GRID2: variants seen among roughly 807,000 people sequenced by gnomAD.
GRID2 encodes the protein glutamate receptor ionotropic, delta-2.
GRID2 carries 33 observed loss-of-function variants against 114.8 expected under a neutral mutation model. The ratio of observed to expected loss-of-function variants is 0.29; its 90% CI spans 0.22 to 0.38. GRID2 has a LOEUF of 0.38. Ranked by LOEUF, GRID2 falls within the 10% of genes least tolerant of loss-of-function variation. The pLI is 1.00. For synonymous variants in GRID2, 505 were observed against 449.9 expected (o/e 1.12, Z -1.55); for missense variants, 1,184 against 1,257.7 (o/e 0.94, Z 0.89).
chr4:93,299,600 A>G (rs909100810), intron 8 of GRID2, among the ~76,000 whole-genome samples: 1 of 151,514 alleles, frequency 6.6e-6, no homozygotes, highest in Non-Finnish European at 1.5e-5. Context: ...ACCTAATGTT[A>G]AATGATGAGT....
At chr4:93,034,445 A>T (rs1724727247) in intron 2 of GRID2, among the ~76,000 whole-genome samples, 1 of 152,190 alleles carries the variant, frequency 6.6e-6, no homozygotes, top group Non-Finnish European at 1.5e-5. Context: ...CGACAATAGT[A>T]AGAATCCAAT....
Position 93,483,933 on chromosome 4 carries a change from T to C in GRID2, c.1859-6706T>C, listed in dbSNP as rs137857778. ...ATACTTTTTTAGCAAGGTGAGATTA[T>C]GTTTTTTTTTTAATTTGGCACATAA... On this transcript the variant is annotated intron_variant, in intron 11 of 15. Coordinates refer to ENST00000282020, the MANE Select transcript of GRID2 (RefSeq NM_001510.4). Among the ~76,000 whole-genome samples, 872 of 151,796 alleles carry C rather than the reference T, an allele frequency of 5.7e-3. 7 individuals carry two copies. Among genetic ancestry groups the C allele is most frequent in the African/African-American group, 0.02 (830 of 41,464 alleles).
At chr4:92,920,227 G>A (rs1048858706) in intron 2 of GRID2, among the ~76,000 whole-genome samples, 10 of 151,810 alleles carry the variant, frequency 6.6e-5, no homozygotes, top group African/African-American at 2.2e-4. Flanking sequence ...CCTTTATTTT[G>A]AGCCTGTGTG....
At chr4:92,410,521 C>A (rs1003515986) in intron 1 of GRID2, among the ~76,000 whole-genome samples, 6 of 152,170 alleles carry the variant, frequency 3.9e-5, no homozygotes, top group African/African-American at 1.4e-4. Flanking sequence ...TGGACAGGAT[C>A]TCTGGCTTCA....
intron 9 of GRID2, among the ~76,000 whole-genome samples, chr4:93,396,670 G>T (rs919843461): frequency 6.6e-6 from 1 of 151,990 alleles, no homozygotes; most frequent in Admixed American, 6.6e-5. Context: ...ACCTGGGAAA[G>T]ATCTGTTACA....
At position 93,417,379 on chromosome 4, in the gene GRID2, T is replaced by C. The variant is rs909191248; in HGVS notation, c.1348-5392T>C. On this transcript the variant is annotated intron_variant, in intron 9 of 15. Coordinates refer to ENST00000282020, the MANE Select transcript of GRID2 (RefSeq NM_001510.4). Reference sequence around the variant, plus strand: ...TTTAATATGGCTTCGTTGCCCTCCATTATCTGTTTGCAGTTTACATATTTT... The same window carrying C: ...TTTAATATGGCTTCGTTGCCCTCCACTATCTGTTTGCAGTTTACATATTTT... Among the ~76,000 whole-genome samples, 2 of 152,160 alleles carry C rather than the reference T, an allele frequency of 1.3e-5. 1 individual carries two copies. Among genetic ancestry groups the C allele is most frequent in the Non-Finnish European group, 2.9e-5 (2 of 67,994 alleles).
Position 92,648,521 on chromosome 4 carries a change from C to T in GRID2, c.244+58235C>T, listed in dbSNP as rs1423524019. Among the ~76,000 whole-genome samples the T allele has an allele frequency of 2.7e-5, 4 of 149,446 alleles. 1 individual carries two copies. The highest frequency in any genetic ancestry group is 5.9e-5 in the Non-Finnish European group (4 of 67,584). ...CATGTATCGAGCATGGCTGTTAATG[C>T]TGGGGGTTGAAAGAAACAGCCGTTT... On this transcript the variant is annotated intron_variant, in intron 2 of 15. Coordinates refer to ENST00000282020, the MANE Select transcript of GRID2 (RefSeq NM_001510.4).
At chr4:93,677,565 C>T (rs11930681) in intron 14 of GRID2, among the ~76,000 whole-genome samples, 4,605 of 152,054 alleles carry the variant, frequency 0.03, 106 homozygotes, top group African/African-American at 0.061. Flanking sequence ...CACGGCCGGG[C>T]ACTCCTCTGA....
chr4:93,399,571 A>C (rs1765679117), intron 9 of GRID2, among the ~76,000 whole-genome samples: 1 of 152,144 alleles, frequency 6.6e-6, no homozygotes, highest in African/African-American at 2.4e-5. Flanking sequence ...GATGACTTAC[A>C]TGAAGACTGA....
At chr4:93,140,249 C>T (rs893137032) in intron 4 of GRID2, among the ~76,000 whole-genome samples, 20 of 151,346 alleles carry the variant, frequency 1.3e-4, no homozygotes, top group African/African-American at 4.6e-4. Context: ...AGCTACGCCT[C>T]CCGGGTTCAC....
intron 2 of GRID2, among the ~76,000 whole-genome samples, chr4:92,684,139 T>G (rs1351625241): frequency 2.6e-5 from 4 of 151,988 alleles, no homozygotes; most frequent in Non-Finnish European, 5.9e-5. Context: ...TTTAAAAATA[T>G]GAAAAACAAT....
At chr4:93,692,510 T>TTAAAATG (rs1726659336) in intron 14 of GRID2, among the ~76,000 whole-genome samples, 7 of 152,210 alleles carry the variant, frequency 4.6e-5, no homozygotes, top group Admixed American at 3.9e-4. Flanking sequence ...TTAGCATTAG[T>TTAAAATG]CATTTTATTT....
chr4:92,377,812 T>C (rs1729426484), intron 1 of GRID2, among the ~76,000 whole-genome samples: 1 of 152,066 alleles, frequency 6.6e-6, no homozygotes, highest in African/African-American at 2.4e-5. Context: ...GAGACTACTT[T>C]ACTATTACAA....
At chr4:93,087,010 T>C (rs1560864442) in intron 3 of GRID2, among the ~76,000 whole-genome samples, 4 of 130,904 alleles carry the variant, frequency 3.1e-5, no homozygotes, top group African/African-American at 1.2e-4. Context: ...GTTAGTACTA[T>C]GAAAGTGATT....
chr4:93,416,968 T>A (rs968250324), intron 9 of GRID2, among the ~76,000 whole-genome samples: 1 of 152,100 alleles, frequency 6.6e-6, no homozygotes, highest in Non-Finnish European at 1.5e-5. Context: ...GCTTAGAGCA[T>A]CTGTCATGCA....
At chr4:93,159,749 A>C (rs1428690551) in intron 4 of GRID2, among the ~76,000 whole-genome samples, 1 of 125,182 alleles carries the variant, frequency 8.0e-6, no homozygotes, top group Non-Finnish European at 1.6e-5. Context: ...TTAAGTTCTT[A>C]GCAAAGACAT....
intron 2 of GRID2, among the ~76,000 whole-genome samples, chr4:93,040,401 G>C (rs1270860197): frequency 4.6e-5 from 7 of 152,072 alleles, no homozygotes; most frequent in Non-Finnish European, 1.0e-4. Flanking sequence ...GGACCAAGAT[G>C]GTGACAGAAA....
intron 13 of GRID2, among the ~76,000 whole-genome samples, chr4:93,546,946 C>T (rs1733280781): frequency 6.6e-6 from 1 of 151,968 alleles, no homozygotes; most frequent in Non-Finnish European, 1.5e-5. Flanking sequence ...GGTGAATAAT[C>T]CTAATCAGAA....
Position 93,422,918 on chromosome 4 carries a change from C to G in GRID2, c.1495C>G (p.Pro499Ala), listed in dbSNP as rs202110379. Reference sequence around the variant, plus strand: ...AGCACCGGATCACAAATACGGAAGCCCACAAGAAGATGGGACATGGAATGG... The same window carrying G: ...AGCACCGGATCACAAATACGGAAGCGCACAAGAAGATGGGACATGGAATGG... Reference protein sequence around the residue: ...YVAPDHKYGSPQEDGTWNGLV... With the variant: ...YVAPDHKYGSAQEDGTWNGLV... Residue 499 changes from proline (P) to alanine (A), a missense_variant, in exon 10 of 16, where the codon CCA (proline) becomes GCA (alanine). Physicochemically the swap from Pro to Ala is conservative, Grantham distance 27 (BLOSUM62 -1). Transcript: ENST00000282020. The G allele has an allele frequency of 6.2e-7, 1 of 1,613,634 alleles. No individual in the cohort carries two copies. The highest frequency in any genetic ancestry group is 1.3e-5 in the African/African-American group (1 of 74,872).
Sources: gnomAD v4.1 joint callset for allele counts (sites outside exome capture counted in the v4.1 genomes callset) on GRCh38, gnomAD v4.1.1 for gene constraint, MANE v1.5 for transcripts, NCBI Gene and HGNC (gene_info 2026-07-23, HGNC 2026-07-21) for gene names.